LITAF: variants seen among roughly 807,000 people sequenced by gnomAD.
LITAF encodes the protein lipopolysaccharide induced TNF factor, also known as lipopolysaccharide-induced tumor necrosis factor-alpha factor.
A neutral mutation model predicts 14.5 loss-of-function variants in LITAF; 9 were observed. The ratio of observed to expected loss-of-function variants is 0.62; its 90% confidence interval spans 0.37 to 1.08. The LOEUF (loss-of-function observed/expected upper bound fraction) is 1.08. LITAF is among the 50% of genes least tolerant of loss of function. LITAF has a pLI of 0.01. For missense variants in LITAF, 206 were observed against 213.4 expected, an observed-to-expected ratio of 0.97 and a Z score of 0.22; for synonymous variants, 98 against 88.2, an observed-to-expected ratio of 1.11 and a Z score of -0.62.
At chr16:11,602,768 A>G (rs2141867064), upstream of LITAF, among the ~76,000 whole-genome samples, 1 of 151,818 alleles carries the variant, frequency 6.6e-6, no homozygotes, top group Non-Finnish European at 1.5e-5. Context: ...TGCAAAAAAA[A>G]AAAAAAAAAA....
intron 3 of LITAF, among the ~76,000 whole-genome samples, chr16:11,610,325 G>C (rs369147344): frequency 1.4e-4 from 22 of 152,318 alleles, no homozygotes; most frequent in African/African-American, 5.3e-4. Flanking sequence ...GTCCGGCAAG[G>C]GGTCTATTAA....
At chr16:11,568,035 C>T (rs1235799521) in intron 1 of LITAF, among the ~76,000 whole-genome samples, 1 of 151,794 alleles carries the variant, frequency 6.6e-6, no homozygotes, top group East Asian at 1.9e-4. Flanking sequence ...CACCTGTAAT[C>T]CCAGCACTTT....
chr16:11,589,781 G>A (rs1216737069), upstream of LITAF, among the ~76,000 whole-genome samples: 1 of 126,548 alleles, frequency 7.9e-6, no homozygotes, highest in Non-Finnish European at 1.6e-5. Context: ...ACTGTGCCCA[G>A]CTAGTTTTTT....
At position 11,548,670 on chromosome 16, in the gene LITAF, ATCC is replaced by A. The variant is rs1402901656; in HGVS notation, c.*964_*966del. On this transcript the variant is annotated 3_prime_UTR_variant, in exon 4 of 4. Transcript: ENST00000622633. The stretch of plus-strand genomic sequence containing the variant: ...TTGATTACAGAAAATGGTTTTATAA[ATCC>A]TCCTCTTGAAATTATGTTCAGGCCC... 8.8e-6 allele frequency: 4 copies of A among 453,558 alleles called. No homozygotes were observed. The highest frequency in any genetic ancestry group is 4.0e-5 in the African/African-American group (2 of 49,858). The allele number at this position is 453,558 out of a possible 1,614,324, so 28.1% of individuals were successfully genotyped here. A position where few individuals can be genotyped will look rare whatever the true frequency, so the allele number is the denominator to read the frequency against.
chr16:11,560,724 AC>A (rs1347028227), intron 1 of LITAF, among the ~76,000 whole-genome samples: 1 of 152,220 alleles, frequency 6.6e-6, no homozygotes, highest in African/African-American at 2.4e-5. Context: ...CCCAGAAAAG[AC>A]AGATGAGACA....
chr16:11,620,290 C>T (rs1265850298), intron 3 of LITAF, among the ~76,000 whole-genome samples: 1 of 152,132 alleles, frequency 6.6e-6, no homozygotes, highest in African/African-American at 2.4e-5. Context: ...CTTGGGCCAT[C>T]CCCTTGCTGA....
chr16:11,636,747 T>A (rs1421509144), upstream of LITAF, among the ~76,000 whole-genome samples: 3 of 152,176 alleles, frequency 2.0e-5, no homozygotes, highest in Non-Finnish European at 4.4e-5. Context: ...CTTATCTATG[T>A]CTGCAGCTCG....
intron 3 of LITAF, among the ~76,000 whole-genome samples, chr16:11,621,992 A>G (rs1023499248): frequency 6.6e-6 from 1 of 152,198 alleles, no homozygotes; most frequent in African/African-American, 2.4e-5. Flanking sequence ...CTGAGGGTTC[A>G]TTGCCAGCTC....
upstream of LITAF, among the ~76,000 whole-genome samples, chr16:11,589,619 CTTTTTTTT>C (rs60950577): frequency 9.6e-6 from 1 of 103,922 alleles, no homozygotes; most frequent in African/African-American, 3.7e-5. Context: ...AAATCAGTTG[CTTTTTTTT>C]TTTTTTTTTT....
chr16:11,580,426 T>G, intron 1 of LITAF, among the ~76,000 whole-genome samples: 1 of 151,950 alleles, frequency 6.6e-6, no homozygotes, highest in Non-Finnish European at 1.5e-5. Context: ...CCCGGCTAAT[T>G]TTTGTATTTT....
intron 1 of LITAF, among the ~76,000 whole-genome samples, chr16:11,577,986 C>G (rs189089512): frequency 6.6e-6 from 1 of 152,246 alleles, no homozygotes. Context: ...GCCTTCAACT[C>G]CTGGGCTCAA....
chr16:11,606,393 T>C (rs1194226639), intron 3 of LITAF, among the ~76,000 whole-genome samples: 2 of 151,868 alleles, frequency 1.3e-5, no homozygotes, highest in Admixed American at 1.3e-4. Context: ...GGTCTCGAAC[T>C]CCTGATCGCA....
chr16:11,633,276 G>C (rs1263451710), intron 3 of LITAF, among the ~76,000 whole-genome samples: 1 of 152,128 alleles, frequency 6.6e-6, no homozygotes, highest in Non-Finnish European at 1.5e-5. Flanking sequence ...TCTCAGCTCT[G>C]CAACCTCAGG....
At chr16:11,600,128 G>T (rs1473501426), upstream of LITAF, among the ~76,000 whole-genome samples, 1 of 152,140 alleles carries the variant, frequency 6.6e-6, no homozygotes, top group Non-Finnish European at 1.5e-5. The surrounding 1 kb of genome is among the most constrained non-coding windows in gnomAD (Gnocchi z 4.1). Context: ...CTCCCGAGTA[G>T]CTGGGACTAC....
At chr16:11,577,307 G>A (rs2064653636) in intron 1 of LITAF, among the ~76,000 whole-genome samples, 1 of 145,384 alleles carries the variant, frequency 6.9e-6, no homozygotes, top group Non-Finnish European at 1.5e-5. Flanking sequence ...CAGCTCATTA[G>A]AAGTGTCTAT....
chr16:11,594,025 T>A (rs1355692941), intron 1 of LITAF, among the ~76,000 whole-genome samples: 1 of 151,626 alleles, frequency 6.6e-6, no homozygotes, highest in African/African-American at 2.4e-5. Context: ...TTAAAAAAAA[T>A]ATATACAAAA....
At chr16:11,594,331 A>G (rs966787534) in intron 1 of LITAF, among the ~76,000 whole-genome samples, 1 of 152,066 alleles carries the variant, frequency 6.6e-6, no homozygotes, top group African/African-American at 2.4e-5. Context: ...TAAACCAGGC[A>G]TCTATGTGGG....
intron 3 of LITAF, among the ~76,000 whole-genome samples, chr16:11,633,346 G>T (rs1040820633): frequency 6.6e-6 from 1 of 152,262 alleles, no homozygotes; most frequent in African/African-American, 2.4e-5. Context: ...GTGTCAGAGG[G>T]GTTTGAACCA....
chr16:11,551,032 G>A (rs572928366), intron 3 of LITAF, among the ~76,000 whole-genome samples: 9 of 152,102 alleles, frequency 5.9e-5, no homozygotes, highest in Non-Finnish European at 1.3e-4. Context: ...CCCAAATAAT[G>A]CCTCTTAACC....
Sources: allele counts gnomAD v4.1 joint callset (sites outside exome capture counted in the v4.1 genomes callset), GRCh38; gene constraint gnomAD v4.1.1; non-coding constraint Gnocchi (gnomAD v3.1); transcripts MANE v1.5; gene names NCBI Gene and HGNC (gene_info 2026-07-23, HGNC 2026-07-21).